IQCM: variants seen among roughly 807,000 people sequenced by gnomAD.
The protein encoded by IQCM is IQ domain-containing protein M.
IQCM carries 45 observed loss-of-function variants against 57.6 expected under a neutral mutation model. The ratio of observed to expected loss-of-function variants is 0.78; its 90% CI spans 0.62 to 1.00. The LOEUF is 1.00. Ranked by LOEUF, IQCM falls within the 50% of genes least tolerant of loss-of-function variation. The pLI is 0.00. For synonymous variants in IQCM, 148 were observed against 158.9 expected, an observed-to-expected ratio of 0.93 and a Z score of 0.51; for missense variants, 468 against 511.6, an observed-to-expected ratio of 0.91 and a Z score of 0.82.
At chr4:149,589,834 A>G (rs964175811) in intron 8 of IQCM, among the ~76,000 whole-genome samples, 4 of 152,024 alleles carry the variant, frequency 2.6e-5, no homozygotes, top group Non-Finnish European at 5.9e-5. Flanking sequence ...CAGGACCTAT[A>G]TTTTAAATGT....
At chr4:149,760,720 A>C (rs1055953001) in intron 2 of IQCM, among the ~76,000 whole-genome samples, 5 of 152,118 alleles carry the variant, frequency 3.3e-5, no homozygotes, top group African/African-American at 1.2e-4. Flanking sequence ...TTTTTCTGAG[A>C]TACATCAGAA....
intron 5 of IQCM, among the ~76,000 whole-genome samples, chr4:149,691,299 A>G (rs1464594739): frequency 6.6e-6 from 1 of 152,162 alleles, no homozygotes; most frequent in Non-Finnish European, 1.5e-5. Context: ...ACCCAGGCAG[A>G]TAGCCCCTGG....
At chr4:149,594,684 T>C (rs951442050) in intron 8 of IQCM, among the ~76,000 whole-genome samples, 2 of 152,196 alleles carry the variant, frequency 1.3e-5, no homozygotes, top group Middle Eastern at 3.2e-3. Context: ...TCAAAGAACA[T>C]CTTTATTTCT....
chr4:149,528,651 C>A (rs938253472), intron 12 of IQCM, among the ~76,000 whole-genome samples: 1 of 152,050 alleles, frequency 6.6e-6, no homozygotes, highest in Non-Finnish European at 1.5e-5. Context: ...CAGAACATGG[C>A]AATGAGGATT....
intron 2 of IQCM, among the ~76,000 whole-genome samples, chr4:149,743,265 A>G (rs190775367): frequency 2.6e-5 from 4 of 152,140 alleles, no homozygotes; most frequent in South Asian, 2.1e-4. Context: ...CCTCTCATCT[A>G]TATTTATTTA....
chr4:149,409,729 T>C (rs1270376435), intron 13 of IQCM, among the ~76,000 whole-genome samples: 3 of 152,162 alleles, frequency 2.0e-5, no homozygotes, highest in Admixed American at 6.5e-5. Flanking sequence ...CCACCATTTA[T>C]GAAGACCCTC....
At chr4:149,652,140 T>C (rs1759241785) in intron 7 of IQCM, among the ~76,000 whole-genome samples, 1 of 152,196 alleles carries the variant, frequency 6.6e-6, no homozygotes, top group Non-Finnish European at 1.5e-5. Flanking sequence ...AATGAGTTCA[T>C]GTCCTCTGTA....
intron 5 of IQCM, among the ~76,000 whole-genome samples, chr4:149,713,117 C>T (rs539825982): frequency 2.8e-4 from 43 of 152,296 alleles, no homozygotes; most frequent in African/African-American, 9.4e-4. Context: ...CTTGAAACAA[C>T]ACTGCTGCTT....
At chr4:149,541,473 A>G (rs553631846) in intron 12 of IQCM, among the ~76,000 whole-genome samples, 1 of 152,210 alleles carries the variant, frequency 6.6e-6, no homozygotes, top group South Asian at 2.1e-4. Flanking sequence ...AATAGGGGAA[A>G]ACCTTCAAAG....
chr4:149,471,138 T>C (rs369201911), intron 12 of IQCM, among the ~76,000 whole-genome samples: 1 of 151,888 alleles, frequency 6.6e-6, no homozygotes, highest in Non-Finnish European at 1.5e-5. Flanking sequence ...CTGAAGGAGA[T>C]AGAGACCCAA....
chr4:149,728,402 T>C (rs1248924494), intron 5 of IQCM, among the ~76,000 whole-genome samples: 1 of 152,218 alleles, frequency 6.6e-6, no homozygotes, highest in Non-Finnish European at 1.5e-5. Flanking sequence ...AGACCACAGG[T>C]TCCACGAGGA....
rs1263451246 is a variant in IQCM, at chr4:149,726,301, G to GA, written c.385+6942dup. 6.0e-5 allele frequency among the ~76,000 whole-genome samples: 9 copies of GA among 150,504 alleles called. No individual in the cohort carries two copies. In the South Asian group the frequency reaches 1.7e-3, roughly 28 times the overall value. On this transcript the variant is annotated intron_variant, in intron 5 of 13. Coordinates refer to ENST00000636793, the MANE Select transcript of IQCM (RefSeq NM_001363507.2). ...TGAATAACTCACTTCTAACTTCATT[G>GA]AAAAAAAAATTGAAGTAATCTCACC... is the stretch of plus-strand genomic sequence containing the variant.
At chr4:149,813,756 A>G (rs1774806188) in intron 2 of IQCM, among the ~76,000 whole-genome samples, 1 of 152,080 alleles carries the variant, frequency 6.6e-6, no homozygotes, top group African/African-American at 2.4e-5. Context: ...GATAAGGAAT[A>G]CCTTTAAAGA....
At chr4:149,624,299 C>T (rs1372261132) in intron 7 of IQCM, among the ~76,000 whole-genome samples, 1 of 152,038 alleles carries the variant, frequency 6.6e-6, no homozygotes, top group African/African-American at 2.4e-5. Context: ...AACAGAAAAT[C>T]CTAAGAAATG....
intron 5 of IQCM, 45 bp from the exon 6 acceptor site, chr4:149,686,513 GT>G (rs940440447): frequency 7.7e-6 from 6 of 783,192 alleles, no homozygotes; most frequent in African/African-American, 1.8e-5. Flanking sequence ...TAGTTTTCAA[GT>G]TGTAAGTGCA....
At chr4:149,683,293 T>C (rs976924307) in intron 6 of IQCM, among the ~76,000 whole-genome samples, 1 of 151,276 alleles carries the variant, frequency 6.6e-6, no homozygotes, top group Non-Finnish European at 1.5e-5. Flanking sequence ...TGTGTTACTA[T>C]AAATGCCTAG....
intron 5 of IQCM, among the ~76,000 whole-genome samples, chr4:149,725,618 C>T (rs987860698): frequency 5.3e-5 from 8 of 152,076 alleles, no homozygotes; most frequent in African/African-American, 1.7e-4. Context: ...ATCTTCACTT[C>T]CCTCTTACAT....
chr4:149,418,657 T>C (rs1393071660), intron 13 of IQCM, among the ~76,000 whole-genome samples: 1 of 151,862 alleles, frequency 6.6e-6, no homozygotes, highest in Non-Finnish European at 1.5e-5. Flanking sequence ...TTCAGGCCAA[T>C]ATCTCTGATG....
intron 2 of IQCM, among the ~76,000 whole-genome samples, chr4:149,793,970 G>A (rs548749704): frequency 2.0e-5 from 3 of 152,324 alleles, no homozygotes; most frequent in Admixed American, 2.0e-4. Context: ...AGTGAATGAG[G>A]TGTGGAAGCA....
Sources: allele counts gnomAD v4.1 joint callset (sites outside exome capture counted in the v4.1 genomes callset), GRCh38; gene constraint gnomAD v4.1.1; transcripts MANE v1.5; gene names NCBI Gene and HGNC (gene_info 2026-07-23, HGNC 2026-07-21).